SPMIP7: variants seen among roughly 807,000 people sequenced by gnomAD.
SPMIP7 encodes protein SPMIP7.
the SPMIP7 span, among the ~76,000 whole-genome samples, chr7:50,156,133 C>T: frequency 6.6e-6 from 1 of 152,188 alleles, no homozygotes; most frequent in Non-Finnish European, 1.5e-5. Context: ...ACTCACTGTG[C>T]TTTCATAAGG....
chr7:50,106,963 A>G, the SPMIP7 span, among the ~76,000 whole-genome samples: 1 of 151,884 alleles, frequency 6.6e-6, no homozygotes, highest in African/African-American at 2.4e-5. Flanking sequence ...TAGGCCAGGC[A>G]CGGTGGCTCA....
the SPMIP7 span, chr7:50,141,727 CTTTTTT>C: frequency 5.2e-5 from 4 of 76,950 alleles, no homozygotes; most frequent in South Asian, 4.9e-4. Flanking sequence ...AGAGGAATCA[CTTTTTT>C]TTTTTTTTTT....
At chr7:50,157,168 C>T in the SPMIP7 span, among the ~76,000 whole-genome samples, 3 of 152,188 alleles carry the variant, frequency 2.0e-5, no homozygotes, top group South Asian at 6.2e-4. Context: ...GTTTGAGCCT[C>T]AAATGTTGAT....
chr7:50,141,307 A>C, the SPMIP7 span: 4 of 1,551,730 alleles, frequency 2.6e-6, no homozygotes, highest in Non-Finnish European at 2.6e-6. Flanking sequence ...ACAAATGCTG[A>C]TGATGTTGAC....
At chr7:50,115,214 G>A in the SPMIP7 span, among the ~76,000 whole-genome samples, 2 of 151,936 alleles carry the variant, frequency 1.3e-5, no homozygotes, top group African/African-American at 2.4e-5. Flanking sequence ...ATTTTACTAA[G>A]GACTCAGATA....
chr7:50,113,671 C>A, the SPMIP7 span, among the ~76,000 whole-genome samples: 1 of 151,786 alleles, frequency 6.6e-6, no homozygotes, highest in South Asian at 2.1e-4. Flanking sequence ...AATAAAGCAT[C>A]AGTTACTGCG....
chr7:50,138,153 A>G, the SPMIP7 span, among the ~76,000 whole-genome samples: 3 of 152,048 alleles, frequency 2.0e-5, no homozygotes, highest in African/African-American at 4.8e-5. Context: ...ATTATTTTTA[A>G]AGCATTTGAT....
the SPMIP7 span, among the ~76,000 whole-genome samples, chr7:50,152,655 T>C: frequency 1.4e-5 from 2 of 144,548 alleles, no homozygotes; most frequent in African/African-American, 5.0e-5. Flanking sequence ...TTCATTCGTT[T>C]ATCACACATT....
At chr7:50,125,147 C>CACACATATATATACACATATAT in the SPMIP7 span, among the ~76,000 whole-genome samples, 7 of 108,456 alleles carry the variant, frequency 6.5e-5, 1 homozygote, top group Non-Finnish European at 7.5e-5. Context: ...CACACATATA[C>CACACATATATATACACATATAT]ACACATATAT....
At chr7:50,107,665 TAAGAGAG>T in the SPMIP7 span, among the ~76,000 whole-genome samples, 2 of 152,134 alleles carry the variant, frequency 1.3e-5, no homozygotes, top group East Asian at 3.9e-4. Context: ...CCCAAAAGCG[TAAGAGAG>T]AAGAAATAGA....
chr7:50,131,691 T>C, the SPMIP7 span, among the ~76,000 whole-genome samples: 1 of 152,022 alleles, frequency 6.6e-6, no homozygotes, highest in East Asian at 1.9e-4. Flanking sequence ...GGAAGGCAGA[T>C]TGAGGATGTG....
chr7:50,110,477 A>C, the SPMIP7 span, among the ~76,000 whole-genome samples: 1 of 146,354 alleles, frequency 6.8e-6, no homozygotes. Flanking sequence ...ATATATTTTT[A>C]TATATTATAT....
the SPMIP7 span, among the ~76,000 whole-genome samples, chr7:50,153,085 A>G: frequency 6.6e-6 from 1 of 152,200 alleles, no homozygotes. Flanking sequence ...TTAGGAGCTT[A>G]TTTTCTGGTA....
the SPMIP7 span, among the ~76,000 whole-genome samples, chr7:50,157,297 C>T: frequency 6.6e-6 from 1 of 152,080 alleles, no homozygotes; most frequent in Non-Finnish European, 1.5e-5. Context: ...AGGGACAGTT[C>T]AAAGAGATTT....
the SPMIP7 span, among the ~76,000 whole-genome samples, chr7:50,139,355 A>G: frequency 6.6e-6 from 1 of 151,778 alleles, no homozygotes; most frequent in African/African-American, 2.4e-5. Flanking sequence ...ATCTCAAAAA[A>G]AAAAAAAAGA....
At chr7:50,104,452 AT>A in the SPMIP7 span, 2 of 777,810 alleles carry the variant, frequency 2.6e-6, no homozygotes. Context: ...TAATTAGTTT[AT>A]TTCATTGTAT....
At chr7:50,113,271 T>A in the SPMIP7 span, among the ~76,000 whole-genome samples, 1 of 151,978 alleles carries the variant, frequency 6.6e-6, no homozygotes, top group African/African-American at 2.4e-5. Flanking sequence ...AACCAACAAC[T>A]TAAAGTCCAA....
chr7:50,145,347 G>A, the SPMIP7 span, among the ~76,000 whole-genome samples: 4 of 151,058 alleles, frequency 2.6e-5, no homozygotes, highest in African/African-American at 9.7e-5. Flanking sequence ...CAAGGGCTCG[G>A]TGAACAAGTT....
chr7:50,102,837 G>A, the SPMIP7 span, among the ~76,000 whole-genome samples: 4 of 151,614 alleles, frequency 2.6e-5, no homozygotes, highest in East Asian at 7.7e-4. Flanking sequence ...TTATTTCTTT[G>A]TGTTCATTAA....
Sources: allele counts gnomAD v4.1 joint callset (sites outside exome capture counted in the v4.1 genomes callset), GRCh38; gene constraint gnomAD v4.1.1; transcripts MANE v1.5; gene names NCBI Gene and HGNC (gene_info 2026-07-23, HGNC 2026-07-21).